The following PPM1L variants were observed in gnomAD, a reference collection of about 807,000 sequenced individuals.
PPM1L encodes protein phosphatase 1L.
A neutral mutation model predicts 31.4 loss-of-function variants in PPM1L; 13 were observed. The ratio of observed to expected loss-of-function variants is 0.41; its 90% CI spans 0.27 to 0.66. The LOEUF (loss-of-function observed/expected upper bound fraction) is 0.66, where lower values mean the gene tolerates loss of function less well. PPM1L is among the 30% of genes least tolerant of loss of function. PPM1L has a pLI of 0.29. For missense variants in PPM1L, 326 were observed against 453.7 expected, an observed-to-expected ratio of 0.72 and a Z score of 2.56; for synonymous variants, 184 against 175.4, an observed-to-expected ratio of 1.05 and a Z score of -0.39.
intron 2 of PPM1L, among the ~76,000 whole-genome samples, chr3:160,999,711 T>C (rs966974166): frequency 2.0e-5 from 3 of 152,272 alleles, no homozygotes; most frequent in Admixed American, 1.3e-4. Flanking sequence ...TCAGGAGTCC[T>C]GGCACATGCC....
intron 2 of PPM1L, among the ~76,000 whole-genome samples, chr3:161,003,652 G>T (rs865878784): frequency 1.0e-3 from 158 of 152,088 alleles, no homozygotes; most frequent in Non-Finnish European, 1.8e-3. Context: ...TCTGTTGTTG[G>T]TGTATAAGAA....
chr3:161,007,826 T>C (rs1172378209), intron 2 of PPM1L, among the ~76,000 whole-genome samples: 3 of 151,998 alleles, frequency 2.0e-5, no homozygotes, highest in African/African-American at 7.2e-5. Context: ...AGTGGCACGA[T>C]GTAACTTATG....
chr3:160,828,703 C>G (rs1266688768), intron 1 of PPM1L, among the ~76,000 whole-genome samples: 5 of 152,030 alleles, frequency 3.3e-5, no homozygotes, highest in Non-Finnish European at 5.9e-5. Context: ...TGCCCAGGCA[C>G]AGCTCTTGCG....
In PPM1L at chr3:160,937,943, T is replaced by C. The variant is rs577040240; in HGVS notation, c.400-23793T>C. 8.3e-4 allele frequency among the ~76,000 whole-genome samples: 127 copies of C among 152,358 alleles called. 1 individual carries two copies. Among genetic ancestry groups the C allele is most frequent in the African/African-American group, 2.9e-3 (119 of 41,586 alleles). On this transcript the variant is annotated intron_variant, in intron 1 of 3. Transcript: ENST00000498165. ...ATTAAGAGAGTGTGGTTTAAGTTTG[T>C]TGATACTTAAATTTATTTTAAAAGA... is the stretch of plus-strand genomic sequence containing the variant.
chr3:160,833,955 G>A (rs927107337), intron 1 of PPM1L, among the ~76,000 whole-genome samples: 3 of 151,414 alleles, frequency 2.0e-5, no homozygotes, highest in African/African-American at 7.3e-5. Context: ...TTTGTATAAG[G>A]TGTAAGGAAG....
intron 2 of PPM1L, among the ~76,000 whole-genome samples, chr3:161,064,094 G>C (rs182783464): frequency 2.0e-5 from 3 of 151,740 alleles, no homozygotes; most frequent in Non-Finnish European, 2.9e-5. Flanking sequence ...TTAGATGACA[G>C]GTTGATGGGT....
intron 1 of PPM1L, among the ~76,000 whole-genome samples, chr3:160,861,346 G>A (rs1419028688): frequency 6.6e-6 from 1 of 152,210 alleles, no homozygotes; most frequent in Non-Finnish European, 1.5e-5. Context: ...ACATGAGAAA[G>A]CCGAGATGTT....
intron 1 of PPM1L, among the ~76,000 whole-genome samples, chr3:160,899,075 T>C (rs1356944342): frequency 6.6e-6 from 1 of 152,106 alleles, no homozygotes; most frequent in Non-Finnish European, 1.5e-5. Flanking sequence ...CTGTGCTGGG[T>C]GTTTTATTAT....
intron 1 of PPM1L, among the ~76,000 whole-genome samples, chr3:160,935,595 G>A (rs1405219937): frequency 2.6e-5 from 4 of 152,172 alleles, no homozygotes; most frequent in South Asian, 4.1e-4. Context: ...TGGAGGCTGC[G>A]GCTCCCCTGT....
At chr3:160,908,671 A>G (rs1713848561) in intron 1 of PPM1L, among the ~76,000 whole-genome samples, 1 of 152,206 alleles carries the variant, frequency 6.6e-6, no homozygotes, top group Non-Finnish European at 1.5e-5. Flanking sequence ...GCGTATGGTG[A>G]TTACCAAGAC....
chr3:160,911,208 AG>A (rs1013883068), intron 1 of PPM1L, among the ~76,000 whole-genome samples: 3 of 152,340 alleles, frequency 2.0e-5, no homozygotes, highest in Admixed American at 1.3e-4. Flanking sequence ...GCAGAATATA[AG>A]TAAGAAATCT....
intron 1 of PPM1L, among the ~76,000 whole-genome samples, chr3:160,947,289 G>A (rs1018173293): frequency 6.6e-5 from 10 of 152,042 alleles, no homozygotes; most frequent in South Asian, 2.1e-4. Context: ...CCCAATGGCC[G>A]GTATCTAGCA....
intron 1 of PPM1L, among the ~76,000 whole-genome samples, chr3:160,867,182 A>G (rs1712122090): frequency 6.6e-6 from 1 of 152,162 alleles, no homozygotes; most frequent in Non-Finnish European, 1.5e-5. Flanking sequence ...ATGATCAGCA[A>G]ATAATATGGA....
chr3:160,859,663 A>G (rs1208105909), intron 1 of PPM1L, among the ~76,000 whole-genome samples: 4 of 152,220 alleles, frequency 2.6e-5, no homozygotes, highest in African/African-American at 9.6e-5. Context: ...ATTGCTTGAT[A>G]TTAAAATGAT....
At chr3:160,891,984 C>T (rs564465544) in intron 1 of PPM1L, among the ~76,000 whole-genome samples, 12 of 152,000 alleles carry the variant, frequency 7.9e-5, no homozygotes, top group East Asian at 7.8e-4. Context: ...CATCACACAC[C>T]GGGGCCTGTC....
Position 160,983,346 on chromosome 3 carries a change from C to T in PPM1L, c.574+21436C>T, listed in dbSNP as rs145570969. 3.9e-3 allele frequency among the ~76,000 whole-genome samples: 586 copies of T among 151,766 alleles called. 4 individuals carry two copies. The highest frequency in any genetic ancestry group is 0.013 in the African/African-American group (544 of 41,352). On this transcript the variant is annotated intron_variant, in intron 2 of 3. Coordinates refer to ENST00000498165, the MANE Select transcript of PPM1L (RefSeq NM_139245.4). ...GTACCTCTTTGTAAACCTTCCCCTG[C>T]AGGATAATCAGCATTCCACAGCCAC...
chr3:161,047,918 C>A (rs1215663535), intron 2 of PPM1L, among the ~76,000 whole-genome samples: 1 of 152,160 alleles, frequency 6.6e-6, no homozygotes, highest in Non-Finnish European at 1.5e-5. Context: ...CTCCCTTACA[C>A]CTTATACAAA....
intron 3 of PPM1L, among the ~76,000 whole-genome samples, chr3:161,067,616 G>A (rs574843644): frequency 6.6e-6 from 1 of 152,196 alleles, no homozygotes; most frequent in Non-Finnish European, 1.5e-5. Context: ...TGTCTTAAGA[G>A]GTTGATAATA....
intron 2 of PPM1L, among the ~76,000 whole-genome samples, chr3:161,028,786 T>G (rs1412746341): frequency 6.6e-6 from 1 of 152,116 alleles, no homozygotes; most frequent in Admixed American, 6.6e-5. Context: ...AGGCAGTCAT[T>G]AATAAAAGCT....
Sources: allele counts gnomAD v4.1 joint callset (sites outside exome capture counted in the v4.1 genomes callset), GRCh38; gene constraint gnomAD v4.1.1; transcripts MANE v1.5; gene names NCBI Gene and HGNC (gene_info 2026-07-23, HGNC 2026-07-21).